The following RUNX2 variants were observed in gnomAD, a reference collection of about 807,000 sequenced individuals.
RUNX2 encodes runt-related transcription factor 2.
RUNX2 carries 10 observed loss-of-function variants against 51.7 expected under a neutral mutation model. The observed-to-expected ratio is 0.19, with a 90% confidence interval of 0.12 to 0.33. RUNX2 has a LOEUF of 0.33. RUNX2 is among the 10% of genes least tolerant of loss of function. The probability of loss-of-function intolerance (pLI) is 1.00; values close to 1 mark genes in which losing one functional copy is unlikely to be tolerated. For missense variants in RUNX2, 562 were observed against 691.3 expected (o/e 0.81, Z 2.10); for synonymous variants, 276 against 273.6 (o/e 1.01, Z -0.09).
At chr6:45,425,650 G>A (rs1798363702) in intron 3 of RUNX2, among the ~76,000 whole-genome samples, 1 of 152,112 alleles carries the variant, frequency 6.6e-6, no homozygotes. Flanking sequence ...ATGGATGTTT[G>A]GAACATCCAG....
chr6:45,401,327 A>G (rs1339347993), intron 2 of RUNX2, among the ~76,000 whole-genome samples: 1 of 152,220 alleles, frequency 6.6e-6, no homozygotes, highest in Non-Finnish European at 1.5e-5. Context: ...TTCTTTAAGA[A>G]CAATAACATC....
At chr6:45,357,840 G>C (rs4714852) in intron 2 of RUNX2, among the ~76,000 whole-genome samples, 151,924 of 152,306 alleles carry the variant, frequency 1, 75,772 homozygotes, top group Middle Eastern at 1. Context: ...ACATAATAAT[G>C]AAGTGTAATA....
intron 2 of RUNX2, among the ~76,000 whole-genome samples, chr6:45,386,993 G>C (rs1046006227): frequency 1.3e-5 from 2 of 152,178 alleles, no homozygotes; most frequent in African/African-American, 4.8e-5. Context: ...AAACTGGAAG[G>C]AGCTAACAGT....
intron 5 of RUNX2, among the ~76,000 whole-genome samples, chr6:45,482,581 A>T (rs928530722): frequency 1.4e-4 from 21 of 152,194 alleles, no homozygotes; most frequent in African/African-American, 4.8e-4. Context: ...TCTCACACAC[A>T]TCTAATTGTA....
intron 3 of RUNX2, among the ~76,000 whole-genome samples, chr6:45,423,451 C>T (rs1300822746): frequency 6.6e-6 from 1 of 152,134 alleles, no homozygotes; most frequent in East Asian, 1.9e-4. Context: ...TTTGGGGCTC[C>T]GCGCGCTCTC....
At position 45,547,434 on chromosome 6, in the gene RUNX2, A is replaced by AT. The variant is rs761177808; in HGVS notation, c.*134dup. 3.7e-6 allele frequency: 3 copies of AT among 804,822 alleles called. No homozygotes were observed. The highest frequency in any genetic ancestry group is 4.2e-6 in the Non-Finnish European group (2 of 475,978). The allele number at this position is 804,822 out of a possible 1,614,324, so 49.9% of individuals were successfully genotyped here. A position where few individuals can be genotyped will look rare whatever the true frequency, so the allele number is the denominator to read the frequency against. On this transcript the variant is annotated 3_prime_UTR_variant, in exon 9 of 9. Coordinates refer to ENST00000647337, the MANE Select transcript of RUNX2 (RefSeq NM_001024630.4). ...CTACAAAGTGCCTATTTTTTAGAAGATTTTTCATTCACTCACTCAGTCATG... is the reference window on the plus strand; with the variant it reads ...CTACAAAGTGCCTATTTTTTAGAAGATTTTTTCATTCACTCACTCAGTCATG...
intron 5 of RUNX2, among the ~76,000 whole-genome samples, chr6:45,441,331 T>A (rs185917362): frequency 6.6e-6 from 1 of 152,300 alleles, no homozygotes; most frequent in Non-Finnish European, 1.5e-5. Flanking sequence ...ACTGGTTGGG[T>A]CTTTATGTCG....
chr6:45,414,595 C>T (rs1410015407), intron 2 of RUNX2, among the ~76,000 whole-genome samples: 1 of 151,934 alleles, frequency 6.6e-6, no homozygotes, highest in Non-Finnish European at 1.5e-5. Flanking sequence ...AGCGTTTTCC[C>T]AATTTTATTT....
rs531131170 is a variant in RUNX2, at chr6:45,550,631, A to G, written c.*3326A>G. On this transcript the variant is annotated 3_prime_UTR_variant, in exon 9 of 9. Transcript: ENST00000647337. ...ACGAATGCATTTAAAAATATTTTCT[A>G]TGTGAGAATTTTTTAGATGTGTGTT... The G allele has an allele frequency of 6.5e-6, 1 of 152,788 alleles. No individual in the cohort carries two copies. The highest frequency in any genetic ancestry group is 2.4e-5 in the African/African-American group (1 of 41,592). 9.5% of individuals were successfully genotyped at this position (152,788 alleles called of 1,614,324 possible).
chr6:45,490,644 G>A (rs543397404), intron 5 of RUNX2, among the ~76,000 whole-genome samples: 47 of 152,266 alleles, frequency 3.1e-4, no homozygotes, highest in South Asian at 8.3e-4. Context: ...AAGCTAAGGC[G>A]TTTGCGCTAC....
intron 7 of RUNX2, among the ~76,000 whole-genome samples, chr6:45,530,535 T>G (rs1217579785): frequency 6.6e-6 from 1 of 152,224 alleles, no homozygotes; most frequent in East Asian, 1.9e-4. Flanking sequence ...CATGGTCCAG[T>G]GCAGTTAGAT....
chr6:45,402,314 A>G (rs183713851), intron 2 of RUNX2, among the ~76,000 whole-genome samples: 3 of 152,344 alleles, frequency 2.0e-5, no homozygotes, highest in Non-Finnish European at 2.9e-5. Context: ...AAAATCATAT[A>G]CCATAAGTAG....
intron 6 of RUNX2, among the ~76,000 whole-genome samples, chr6:45,494,870 G>C (rs1800600345): frequency 6.6e-6 from 1 of 152,200 alleles, no homozygotes; most frequent in African/African-American, 2.4e-5. Flanking sequence ...TATGGAGAGA[G>C]AAGAAAAGCG....
intron 7 of RUNX2, among the ~76,000 whole-genome samples, chr6:45,543,362 T>C (rs1317186433): frequency 2.0e-5 from 3 of 152,340 alleles, no homozygotes; most frequent in Middle Eastern, 3.4e-3. Flanking sequence ...ATGGAGGAGA[T>C]AACATGGATA....
chr6:45,483,303 A>G (rs1800167520), intron 5 of RUNX2, among the ~76,000 whole-genome samples: 1 of 151,214 alleles, frequency 6.6e-6, no homozygotes, highest in Non-Finnish European at 1.5e-5. Context: ...CCCAGCAAAG[A>G]TTATAGACTC....
chr6:45,375,819 C>T (rs533393591), intron 2 of RUNX2, among the ~76,000 whole-genome samples: 12 of 150,708 alleles, frequency 8.0e-5, no homozygotes, highest in African/African-American at 3.0e-4. Context: ...TTTATATACA[C>T]TTGCTTTAAA....
At chr6:45,397,116 T>TAA (rs1797598811) in intron 2 of RUNX2, among the ~76,000 whole-genome samples, 2 of 151,992 alleles carry the variant, frequency 1.3e-5, no homozygotes, top group Admixed American at 1.3e-4. Flanking sequence ...ACTTTTTTTT[T>TAA]TTTTTGAGAC....
chr6:45,436,265 G>A (rs1363988180), intron 4 of RUNX2, among the ~76,000 whole-genome samples: 1 of 151,872 alleles, frequency 6.6e-6, no homozygotes, highest in Non-Finnish European at 1.5e-5. Flanking sequence ...AAGTGATCAA[G>A]CCACTTAAGG....
In RUNX2 at chr6:45,335,334, T is replaced by C. The variant is rs1788341406; in HGVS notation, c.58+6550T>C. Among the ~76,000 whole-genome samples the C allele has an allele frequency of 2.6e-5, 4 of 151,384 alleles. No individual in the cohort carries two copies. In the South Asian group the frequency reaches 8.3e-4, roughly 31 times the overall value. ...TTACTTTGAAGCTTAAAAGAAAGGA[T>C]CATGACATTTATTTTACTATGTAAT... On this transcript the variant is annotated intron_variant, in intron 2 of 8. Coordinates refer to ENST00000647337, the MANE Select transcript of RUNX2 (RefSeq NM_001024630.4).
Sources: allele counts gnomAD v4.1 joint callset (sites outside exome capture counted in the v4.1 genomes callset), GRCh38; gene constraint gnomAD v4.1.1; transcripts MANE v1.5; gene names NCBI Gene and HGNC (gene_info 2026-07-23, HGNC 2026-07-21).